Variants in BABAM2 observed in about 807,000 individuals in gnomAD.
BABAM2 encodes the protein BRISC and BRCA1 A complex member 2, also known as BRISC and BRCA1-A complex member 2.
BABAM2 carries 31 observed loss-of-function variants against 54.7 expected under a neutral mutation model. The observed-to-expected ratio is 0.57, with a 90% CI of 0.43 to 0.77. BABAM2 has a LOEUF of 0.77. Among genes scored for constraint, BABAM2 ranks in the 30% least tolerant of loss-of-function variants. The probability of loss-of-function intolerance (pLI) is 0.00; values close to 1 mark genes in which losing one functional copy is unlikely to be tolerated. For synonymous variants in BABAM2, 167 were observed against 162.9 expected (o/e 1.03, Z -0.19); for missense variants, 364 against 455.8 (o/e 0.80, Z 1.83).
chr2:28,057,172 C>T (rs968161472), intron 6 of BABAM2, among the ~76,000 whole-genome samples: 6 of 152,176 alleles, frequency 3.9e-5, no homozygotes, highest in Middle Eastern at 3.4e-3. Context: ...CTGTGGTGCC[C>T]AAAAATAAGC....
intron 10 of BABAM2, among the ~76,000 whole-genome samples, chr2:28,270,815 G>A (rs1255881810): frequency 2.6e-5 from 4 of 152,214 alleles, no homozygotes; most frequent in African/African-American, 7.2e-5. Context: ...GATCCCACAG[G>A]TGGTAAATGC....
chr2:28,305,917 G>T (rs1163688610), intron 11 of BABAM2, among the ~76,000 whole-genome samples: 1 of 151,852 alleles, frequency 6.6e-6, no homozygotes, highest in African/African-American at 2.4e-5. Flanking sequence ...ACAAAGTTTT[G>T]TATGTTATTT....
intron 7 of BABAM2, among the ~76,000 whole-genome samples, chr2:28,208,516 A>C (rs1484441321): frequency 6.6e-6 from 1 of 152,166 alleles, no homozygotes; most frequent in Non-Finnish European, 1.5e-5. Context: ...GCCCTGAGGC[A>C]CTGCCTCTAG....
chr2:28,315,170 TG>T (rs1378966062), intron 11 of BABAM2, among the ~76,000 whole-genome samples: 1 of 151,122 alleles, frequency 6.6e-6, no homozygotes, highest in Non-Finnish European at 1.5e-5. Context: ...ACAGAGAACA[TG>T]CCCTCTGGAA....
chr2:27,989,198 A>C (rs1672608074), intron 4 of BABAM2, among the ~76,000 whole-genome samples: 1 of 152,084 alleles, frequency 6.6e-6, no homozygotes, highest in African/African-American at 2.4e-5. Context: ...AGAGTCTTAA[A>C]CCTGGAAAAA....
At chr2:28,080,228 C>G (rs1047335990) in intron 6 of BABAM2, among the ~76,000 whole-genome samples, 1 of 152,056 alleles carries the variant, frequency 6.6e-6, no homozygotes, top group African/African-American at 2.4e-5. Context: ...CCAGTCTTAT[C>G]TTTAATTTCA....
At position 28,263,131 on chromosome 2, in the gene BABAM2, CAAAA is replaced by C. The variant is rs539550619; in HGVS notation, c.934+18282_934+18285del. ...TTGAGGTAACAGCAAGACACTGTCT[CAAAA>C]AAAAAAAAAAAAGAAGAAAAGAAAG... On this transcript the variant is annotated intron_variant, in intron 10 of 11. Coordinates refer to ENST00000379624, the MANE Select transcript of BABAM2 (RefSeq NM_199191.3). Among the ~76,000 whole-genome samples the C allele has an allele frequency of 4.6e-3, 446 of 97,806 alleles. 3 individuals are homozygous for C. The highest frequency in any genetic ancestry group is 9.7e-3 in the Middle Eastern group (2 of 206). 64.2% of individuals were successfully genotyped at this position (97,806 alleles called of 152,430 possible).
intron 7 of BABAM2, among the ~76,000 whole-genome samples, chr2:28,184,978 G>T (rs889321365): frequency 2.0e-5 from 3 of 152,112 alleles, no homozygotes; most frequent in African/African-American, 7.2e-5. Context: ...AAATGGAAAA[G>T]ATTTGTGCCT....
intron 7 of BABAM2, among the ~76,000 whole-genome samples, chr2:28,173,631 G>A (rs766699026): frequency 6.6e-6 from 1 of 152,242 alleles, no homozygotes; most frequent in Non-Finnish European, 1.5e-5. Flanking sequence ...GCTTTAATGT[G>A]CACAGACTGA....
intron 4 of BABAM2, among the ~76,000 whole-genome samples, chr2:27,996,789 T>C (rs950868977): frequency 3.6e-4 from 55 of 152,308 alleles, no homozygotes; most frequent in Admixed American, 2.5e-3. Context: ...GCTGCAGACA[T>C]CAGCTCCTCT....
At position 28,322,128 on chromosome 2, in the gene BABAM2, T is replaced by C. The variant is rs779530210; in HGVS notation, c.1089-16322T>C. Among the ~76,000 whole-genome samples, 1 of 152,044 alleles carries C rather than the reference T, an allele frequency of 6.6e-6. No individual in the cohort carries two copies. The highest frequency in any genetic ancestry group is 1.5e-5 in the Non-Finnish European group (1 of 67,994). ...GAGGTGCAGCCCCAGTGAAATGAAC[T>C]CAGAAGCCTCCAGTGTTTATACCAC... On this transcript the variant is annotated intron_variant, in intron 11 of 11. Transcript: ENST00000379624. The surrounding 1 kb of genome is among the most constrained non-coding windows in gnomAD (Gnocchi z 4.1).
At chr2:27,904,319 A>G (rs1225244650) in intron 2 of BABAM2, among the ~76,000 whole-genome samples, 1 of 152,250 alleles carries the variant, frequency 6.6e-6, no homozygotes, top group East Asian at 1.9e-4. Context: ...CTATACATCA[A>G]AAGTCTTAAA....
intron 2 of BABAM2, among the ~76,000 whole-genome samples, chr2:27,906,734 C>T (rs1273337261): frequency 1.3e-5 from 2 of 151,970 alleles, no homozygotes; most frequent in African/African-American, 4.8e-5. Flanking sequence ...GGGAGGTAGC[C>T]AGTCTAATGT....
At chr2:28,167,591 G>A (rs868449558) in intron 7 of BABAM2, among the ~76,000 whole-genome samples, 4 of 151,876 alleles carry the variant, frequency 2.6e-5, no homozygotes, top group South Asian at 2.1e-4. Context: ...CTACTAGGGA[G>A]TCTGAGGCAG....
At chr2:28,158,955 C>A (rs1307814731) in intron 7 of BABAM2, among the ~76,000 whole-genome samples, 1 of 152,188 alleles carries the variant, frequency 6.6e-6, no homozygotes, top group Non-Finnish European at 1.5e-5. Context: ...TGCTTTAATG[C>A]ATGTCTGGAA....
At chr2:28,067,690 G>T (rs958871517) in intron 6 of BABAM2, among the ~76,000 whole-genome samples, 3 of 152,182 alleles carry the variant, frequency 2.0e-5, no homozygotes, top group African/African-American at 7.2e-5. Context: ...GTACAAAGTG[G>T]CACCTTAAGA....
At chr2:28,300,796 G>A (rs373862345) in intron 11 of BABAM2, among the ~76,000 whole-genome samples, 1 of 152,156 alleles carries the variant, frequency 6.6e-6, no homozygotes, top group Non-Finnish European at 1.5e-5. Context: ...AGAGACATTT[G>A]CTTTATGTTA....
At chr2:27,959,831 A>C (rs1670343090) in intron 3 of BABAM2, among the ~76,000 whole-genome samples, 1 of 144,072 alleles carries the variant, frequency 6.9e-6, no homozygotes, top group Non-Finnish European at 1.5e-5. Flanking sequence ...CTTTTGCTTG[A>C]TTTTTTTTTT....
intron 3 of BABAM2, among the ~76,000 whole-genome samples, chr2:27,962,579 C>T (rs1670548856): frequency 6.6e-6 from 1 of 152,054 alleles, no homozygotes. Flanking sequence ...TTAACTGTAG[C>T]TTTTGATTTA....
Sources: gnomAD v4.1 joint callset for allele counts (sites outside exome capture counted in the v4.1 genomes callset) on GRCh38, gnomAD v4.1.1 for gene constraint, Gnocchi (gnomAD v3.1) non-coding constraint, MANE v1.5 for transcripts, NCBI Gene and HGNC (gene_info 2026-07-23, HGNC 2026-07-21) for gene names.